The following PLSCR2 variants were observed in gnomAD, a reference collection of about 807,000 sequenced individuals.
The protein encoded by PLSCR2 is PL scramblase 2.
Under a neutral mutation model 25.3 loss-of-function variants are expected in PLSCR2, and 18 were observed. That is an observed-to-expected ratio of 0.71 (90% CI 0.49 to 1.06). The LOEUF is 1.06. Among genes scored for constraint, PLSCR2 ranks in the 50% least tolerant of loss-of-function variants. PLSCR2 has a pLI of 0.00. For synonymous variants in PLSCR2, 88 were observed against 87.3 expected (o/e 1.01, Z -0.04); for missense variants, 243 against 269.5 (o/e 0.90, Z 0.69).
At chr3:146,450,967 A>T (rs1343814047) in intron 5 of PLSCR2, among the ~76,000 whole-genome samples, 2 of 151,972 alleles carry the variant, frequency 1.3e-5, no homozygotes, top group African/African-American at 4.8e-5. Flanking sequence ...TATAAAAAAA[A>T]TTTATAAAGT....
At chr3:146,414,597 A>ATTTT (rs10627858) in intron 2 of PLSCR2, among the ~76,000 whole-genome samples, 1 of 150,304 alleles carries the variant, frequency 6.7e-6, no homozygotes, top group Non-Finnish European at 1.5e-5. Flanking sequence ...CAATGATAGT[A>ATTTT]TTTTTTTTTT....
chr3:146,490,142 G>A (rs954484905), intron 1 of PLSCR2, among the ~76,000 whole-genome samples: 6 of 152,082 alleles, frequency 3.9e-5, no homozygotes, highest in Non-Finnish European at 8.8e-5. Flanking sequence ...AACTGGAAAA[G>A]TAGTTAGTGC....
intron 1 of PLSCR2, among the ~76,000 whole-genome samples, chr3:146,469,884 T>C (rs887436571): frequency 6.6e-6 from 1 of 151,030 alleles, no homozygotes; most frequent in African/African-American, 2.4e-5. Flanking sequence ...TCCGGAAACG[T>C]TTCTCCGGTG....
At chr3:146,462,172 C>A (rs150140739), upstream of PLSCR2, among the ~76,000 whole-genome samples, 8 of 152,010 alleles carry the variant, frequency 5.3e-5, no homozygotes, top group African/African-American at 1.9e-4. Flanking sequence ...TGGGATATTT[C>A]TCTTTATTCA....
chr3:146,439,219 A>G (rs2108215322), downstream of PLSCR2, among the ~76,000 whole-genome samples: 1 of 151,980 alleles, frequency 6.6e-6, no homozygotes, highest in Non-Finnish European at 1.5e-5. Flanking sequence ...TTTTTCCTTC[A>G]TTTCAACTTT....
intron 2 of PLSCR2, among the ~76,000 whole-genome samples, chr3:146,405,282 G>C (rs1391119027): frequency 6.6e-6 from 1 of 152,198 alleles, no homozygotes; most frequent in African/African-American, 2.4e-5. Flanking sequence ...CAAAGTGATA[G>C]ACTCGGGGCT....
chr3:146,495,942 C>T (rs2043732576), upstream of PLSCR2: 2 of 1,533,118 alleles, frequency 1.3e-6, no homozygotes, highest in Non-Finnish European at 1.7e-6. Context: ...GGCCCACAAT[C>T]CAGAGTCTCT....
chr3:146,469,274 C>A (rs1165396730), intron 1 of PLSCR2: 4 of 985,482 alleles, frequency 4.1e-6, no homozygotes, highest in Admixed American at 6.1e-5. Flanking sequence ...AGGCAGGACA[C>A]CCCTTGTCAT....
At chr3:146,480,699 T>C (rs2108529610) in intron 1 of PLSCR2, among the ~76,000 whole-genome samples, 1 of 152,076 alleles carries the variant, frequency 6.6e-6, no homozygotes. Context: ...TTCCAATCAA[T>C]AGAAAAAGAG....
At chr3:146,448,863 CTG>C (rs1262369254) in intron 6 of PLSCR2, among the ~76,000 whole-genome samples, 2 of 152,118 alleles carry the variant, frequency 1.3e-5, no homozygotes, top group Non-Finnish European at 2.9e-5. Flanking sequence ...GATGAAATTT[CTG>C]TGTTTCACTG....
intron 2 of PLSCR2, among the ~76,000 whole-genome samples, chr3:146,420,201 G>A (rs997317254): frequency 1.3e-5 from 2 of 151,928 alleles, no homozygotes; most frequent in East Asian, 1.9e-4. Flanking sequence ...TATTCTGATT[G>A]CTTTTATAGA....
intron 3 of PLSCR2, among the ~76,000 whole-genome samples, chr3:146,392,624 A>G (rs1317279616): frequency 8.0e-6 from 1 of 124,686 alleles, no homozygotes; most frequent in Non-Finnish European, 1.8e-5. Context: ...TATTTTCCTT[A>G]TTTCCTATAC....
At chr3:146,486,863 A>T (rs1576746762) in intron 1 of PLSCR2, among the ~76,000 whole-genome samples, 1 of 152,148 alleles carries the variant, frequency 6.6e-6, no homozygotes, top group Non-Finnish European at 1.5e-5. Context: ...ATACAACAAA[A>T]AAAGAAAACT....
At chr3:146,425,895 G>A (rs1453282107) in intron 2 of PLSCR2, among the ~76,000 whole-genome samples, 1 of 152,014 alleles carries the variant, frequency 6.6e-6, no homozygotes, top group Non-Finnish European at 1.5e-5. Context: ...ATTTTGTGCT[G>A]CATTAAAGCC....
downstream of PLSCR2, chr3:146,441,670 A>T (rs1024999092): frequency 4.6e-5 from 31 of 669,260 alleles, 2 homozygotes; most frequent in South Asian, 5.6e-4. Context: ...GGTGTAAGTA[A>T]TTTAAATAAA....
At chr3:146,438,896 T>A (rs2108211636), downstream of PLSCR2, among the ~76,000 whole-genome samples, 1 of 152,330 alleles carries the variant, frequency 6.6e-6, no homozygotes, top group African/African-American at 2.4e-5. Flanking sequence ...TTGGCATGTT[T>A]TTGCAGTGGC....
At chr3:146,419,109 T>TC (rs2039069880) in intron 2 of PLSCR2, among the ~76,000 whole-genome samples, 1 of 152,096 alleles carries the variant, frequency 6.6e-6, no homozygotes, top group Admixed American at 6.6e-5. Flanking sequence ...AAGATTTTTT[T>TC]TCTCTCTCTC....
chr3:146,470,197 G>C (rs1214707091), intron 1 of PLSCR2, among the ~76,000 whole-genome samples: 1 of 152,122 alleles, frequency 6.6e-6, no homozygotes, highest in Admixed American at 6.6e-5. Context: ...TTTTCAGGGT[G>C]TGCCTGCAAC....
intron 2 of PLSCR2, among the ~76,000 whole-genome samples, chr3:146,405,772 T>C (rs994836786): frequency 6.6e-6 from 1 of 152,226 alleles, no homozygotes; most frequent in Admixed American, 6.5e-5. Flanking sequence ...TAGCTAACCA[T>C]GAGTTCCAGT....
Sources: allele counts gnomAD v4.1 joint callset (sites outside exome capture counted in the v4.1 genomes callset), GRCh38; gene constraint gnomAD v4.1.1; transcripts MANE v1.5; gene names NCBI Gene and HGNC (gene_info 2026-07-23, HGNC 2026-07-21).